Variants in TM2D1 observed in about 807,000 individuals in gnomAD.
The protein encoded by TM2D1 is TM2 domain-containing protein 1.
Under a neutral mutation model 28.4 loss-of-function variants are expected in TM2D1, and 15 were observed. That is an observed-to-expected ratio of 0.53 (90% CI 0.35 to 0.81). TM2D1 has a LOEUF of 0.81. Ranked by LOEUF, TM2D1 falls within the 40% of genes least tolerant of loss-of-function variation. The pLI, the probability that TM2D1 is intolerant of heterozygous loss-of-function variation, is 0.01. For missense variants in TM2D1, 236 were observed against 254.9 expected (o/e 0.93, Z 0.50); for synonymous variants, 93 against 96.2 (o/e 0.97, Z 0.20).
chr1:61,722,114 A>C (rs1380191578), intron 2 of TM2D1, among the ~76,000 whole-genome samples: 1 of 151,982 alleles, frequency 6.6e-6, no homozygotes, highest in Non-Finnish European at 1.5e-5. Context: ...TCTACCAAAA[A>C]TACAAAAATA....
intron 2 of TM2D1, among the ~76,000 whole-genome samples, chr1:61,716,610 AAGAG>A (rs907562506): frequency 3.4e-5 from 5 of 147,974 alleles, no homozygotes; most frequent in African/African-American, 1.2e-4. Flanking sequence ...CACACACAAA[AAGAG>A]AGTTAGATTC....
At chr1:61,691,940 T>TAC (rs1232658484) in intron 5 of TM2D1, among the ~76,000 whole-genome samples, 1 of 105,232 alleles carries the variant, frequency 9.5e-6, no homozygotes, top group African/African-American at 3.1e-5. Context: ...AAAATATATA[T>TAC]ATATATATAT....
At chr1:61,712,249 G>A (rs1004405657) in intron 2 of TM2D1, among the ~76,000 whole-genome samples, 3 of 152,076 alleles carry the variant, frequency 2.0e-5, no homozygotes, top group African/African-American at 7.2e-5. Flanking sequence ...TAGCACTGAG[G>A]TTGAGAAACC....
intron 5 of TM2D1, among the ~76,000 whole-genome samples, chr1:61,691,910 C>A (rs1644327674): frequency 7.8e-5 from 3 of 38,432 alleles, no homozygotes; most frequent in Admixed American, 4.8e-4. Flanking sequence ...AACTCCATCT[C>A]AAAAAAAACT....
chr1:61,707,557 T>C (rs1167629257), intron 3 of TM2D1, among the ~76,000 whole-genome samples: 16 of 152,218 alleles, frequency 1.1e-4, no homozygotes, highest in Admixed American at 1.0e-3. Context: ...AAACCCTATT[T>C]TTTAAACTTA....
chr1:61,682,935 G>C (rs1644255781), intron 6 of TM2D1, among the ~76,000 whole-genome samples: 1 of 151,652 alleles, frequency 6.6e-6, no homozygotes, highest in Non-Finnish European at 1.5e-5. Flanking sequence ...TAAAGCTGAG[G>C]CCAATAATTC....
chr1:61,710,376 A>T (rs1644468387), intron 2 of TM2D1, among the ~76,000 whole-genome samples: 1 of 149,180 alleles, frequency 6.7e-6, no homozygotes, highest in East Asian at 2.0e-4. Context: ...CAGGGAGCCA[A>T]GATTGTGCCA....
intron 5 of TM2D1, among the ~76,000 whole-genome samples, chr1:61,685,102 G>A (rs1362900236): frequency 6.6e-6 from 1 of 152,168 alleles, no homozygotes; most frequent in African/African-American, 2.4e-5. Flanking sequence ...AATGTGCCCA[G>A]CCTAGTAGGA....
intron 6 of TM2D1, among the ~76,000 whole-genome samples, chr1:61,681,943 A>G (rs1370553607): frequency 6.6e-6 from 1 of 152,160 alleles, no homozygotes; most frequent in Non-Finnish European, 1.5e-5. Flanking sequence ...GAAGAGGTAG[A>G]TGGATCTCTA....
chr1:61,700,300 G>A, intron 4 of TM2D1: 12 of 1,448,758 alleles, frequency 8.3e-6, no homozygotes, highest in Non-Finnish European at 1.1e-5. Context: ...TAAAGAGGAT[G>A]ATAAACTCAG....
intron 4 of TM2D1, among the ~76,000 whole-genome samples, chr1:61,695,670 CAG>C (rs951923285): frequency 6.6e-6 from 1 of 152,186 alleles, no homozygotes; most frequent in Non-Finnish European, 1.5e-5. Context: ...GAGGATCACA[CAG>C]AGGATTCTCC....
At chr1:61,703,396 T>C (rs1644417130) in intron 3 of TM2D1, among the ~76,000 whole-genome samples, 1 of 145,532 alleles carries the variant, frequency 6.9e-6, no homozygotes, top group Non-Finnish European at 1.5e-5. Context: ...TATATACATA[T>C]ATATATGTTT....
At chr1:61,717,124 G>A (rs1644527826) in intron 2 of TM2D1, among the ~76,000 whole-genome samples, 1 of 152,050 alleles carries the variant, frequency 6.6e-6, no homozygotes, top group African/African-American at 2.4e-5. Flanking sequence ...CGAGGCCAGC[G>A]GATCATGAGG....
At chr1:61,694,008 A>T (rs1275435351) in intron 5 of TM2D1, 1 of 152,244 alleles carries the variant, frequency 6.6e-6, no homozygotes, top group Non-Finnish European at 1.5e-5. Flanking sequence ...GCCCGCCCCC[A>T]GTCCCACTGC....
chr1:61,715,857 A>G (rs753979676), intron 2 of TM2D1, among the ~76,000 whole-genome samples: 5 of 150,686 alleles, frequency 3.3e-5, no homozygotes, highest in Non-Finnish European at 5.9e-5. Flanking sequence ...GCTGGAGTAC[A>G]GTGGCGCGAT....
intron 2 of TM2D1, among the ~76,000 whole-genome samples, chr1:61,719,233 A>G (rs1283842809): frequency 1.3e-5 from 2 of 151,784 alleles, no homozygotes; most frequent in African/African-American, 4.8e-5. Flanking sequence ...AGTTTTTTGT[A>G]GAGACGGGGT....
At chr1:61,699,044 C>G (rs945545228) in intron 4 of TM2D1, 1 of 152,036 alleles carries the variant, frequency 6.6e-6, no homozygotes, top group East Asian at 1.9e-4. Context: ...ATTTAAAATA[C>G]TTAAAAATTT....
In TM2D1 at chr1:61,697,285, T is replaced by A. The variant is rs140678888; in HGVS notation, c.440-2515A>T. On this transcript the variant is annotated intron_variant, in intron 4 of 6. Coordinates refer to ENST00000606498, the MANE Select transcript of TM2D1 (RefSeq NM_032027.3). ...TTAACAGTGAACTGGTAAGTTTAAA[T>A]GTGTTACTCCAGGAGTTTCTTTCTT... Among the ~76,000 whole-genome samples, 403 of 152,166 alleles carry A rather than the reference T, an allele frequency of 2.6e-3. 1 individual carries two copies. Among genetic ancestry groups the A allele is most frequent in the African/African-American group, 9.0e-3 (375 of 41,550 alleles).
chr1:61,702,400 A>C (rs1644408557), intron 3 of TM2D1, among the ~76,000 whole-genome samples: 1 of 149,932 alleles, frequency 6.7e-6, no homozygotes, highest in Admixed American at 6.7e-5. Flanking sequence ...ATGGAATCTC[A>C]CTCTGTTGCC....
Sources: gnomAD v4.1 joint callset for allele counts (sites outside exome capture counted in the v4.1 genomes callset) on GRCh38, gnomAD v4.1.1 for gene constraint, MANE v1.5 for transcripts, NCBI Gene and HGNC (gene_info 2026-07-23, HGNC 2026-07-21) for gene names.